Variants in GNAQ observed in about 807,000 individuals in gnomAD.
The protein encoded by GNAQ is G protein subunit alpha q.
Under a neutral mutation model 43.9 loss-of-function variants are expected in GNAQ, and 8 were observed. The observed-to-expected ratio is 0.18, with a 90% CI of 0.11 to 0.33. GNAQ has a LOEUF of 0.33. Ranked by LOEUF, GNAQ falls within the 10% of genes least tolerant of loss-of-function variation. The pLI, the probability that GNAQ is intolerant of heterozygous loss-of-function variation, is 1.00. For missense variants in GNAQ, 158 were observed against 450.8 expected (o/e 0.35, Z 5.88); for synonymous variants, 155 against 170.7 (o/e 0.91, Z 0.71).
chr9:77,992,505 G>A (rs1349273066), intron 1 of GNAQ, among the ~76,000 whole-genome samples: 1 of 151,450 alleles, frequency 6.6e-6, no homozygotes, highest in African/African-American at 2.4e-5. Flanking sequence ...GAAGGACAGA[G>A]ATCTCTCTAA....
intron 1 of GNAQ, among the ~76,000 whole-genome samples, chr9:77,948,150 T>A (rs1822927908): frequency 1.3e-5 from 2 of 152,224 alleles, no homozygotes; most frequent in Non-Finnish European, 2.9e-5. Flanking sequence ...CATAAATGTT[T>A]TTGAATAAAA....
intron 3 of GNAQ, among the ~76,000 whole-genome samples, chr9:77,814,792 C>T (rs1314405653): frequency 6.6e-6 from 1 of 152,074 alleles, no homozygotes; most frequent in East Asian, 1.9e-4. Context: ...TGCCCAGATC[C>T]AAAACAAGAG....
At chr9:77,949,075 G>A (rs895457805) in intron 1 of GNAQ, among the ~76,000 whole-genome samples, 3 of 152,144 alleles carry the variant, frequency 2.0e-5, no homozygotes, top group African/African-American at 7.2e-5. Context: ...ACCTTCTTAG[G>A]ATAACAGACA....
At chr9:77,989,016 T>G (rs1823476511) in intron 1 of GNAQ, among the ~76,000 whole-genome samples, 1 of 152,202 alleles carries the variant, frequency 6.6e-6, no homozygotes, top group Non-Finnish European at 1.5e-5. Context: ...AGAGATTACA[T>G]AAGAATTCCT....
chr9:78,020,619 T>C (rs1823897183), intron 1 of GNAQ, among the ~76,000 whole-genome samples: 1 of 152,200 alleles, frequency 6.6e-6, no homozygotes, highest in African/African-American at 2.4e-5. Flanking sequence ...AGCATTGGTC[T>C]GGCTCTTCCT....
At chr9:77,971,602 A>G (rs1406550662) in intron 1 of GNAQ, among the ~76,000 whole-genome samples, 3 of 152,250 alleles carry the variant, frequency 2.0e-5, no homozygotes, top group Non-Finnish European at 4.4e-5. Context: ...AAAACTCTCA[A>G]TAAACTAGGT....
At position 77,719,976 on chromosome 9, in the gene GNAQ, A is replaced by C. The variant is rs922593813; in HGVS notation, c.*1347T>G. ...AGGTGTCGGAATAATACTACCAACCAATGTTCCTGGCAGACTTCATTGAAC... is the reference window on the plus strand; with the variant it reads ...AGGTGTCGGAATAATACTACCAACCCATGTTCCTGGCAGACTTCATTGAAC... On this transcript the variant is annotated 3_prime_UTR_variant, in exon 7 of 7. Transcript: ENST00000286548. The C allele has an allele frequency of 4.3e-6, 1 of 232,522 alleles. No individual in the cohort carries two copies. Among genetic ancestry groups the C allele is most frequent in the African/African-American group, 2.2e-5 (1 of 45,314 alleles). 14.4% of individuals were successfully genotyped at this position (232,522 alleles called of 1,614,324 possible).
rs958038972 is a variant in GNAQ, at chr9:77,815,537, A to G, written c.476+79T>C. 9.9e-6 allele frequency: 9 copies of G among 905,284 alleles called. No homozygotes were observed. In the East Asian group the frequency reaches 2.2e-4, roughly 22 times the overall value. The allele number at this position is 905,284 out of a possible 1,614,324, so 56.1% of individuals were successfully genotyped here. ...ATATATGACATATACAGGACAGAAT[A>G]AAGAAGTTATGATAATCATAAAACC... On this transcript the variant is annotated intron_variant, in intron 3 of 6. Transcript: ENST00000286548.
intron 5 of GNAQ, among the ~76,000 whole-genome samples, chr9:77,756,628 C>T (rs1284655546): frequency 1.3e-5 from 2 of 152,232 alleles, no homozygotes; most frequent in African/African-American, 4.8e-5. Context: ...GGCAGAGTTG[C>T]TCTACTGAAC....
chr9:78,000,882 C>A (rs959533437), intron 1 of GNAQ, among the ~76,000 whole-genome samples: 2 of 152,214 alleles, frequency 1.3e-5, no homozygotes, highest in Non-Finnish European at 2.9e-5. Context: ...CAGTGAGATT[C>A]AAAATATTTA....
chr9:77,945,938 T>G (rs1387775763), intron 1 of GNAQ, among the ~76,000 whole-genome samples: 1 of 152,116 alleles, frequency 6.6e-6, no homozygotes, highest in Non-Finnish European at 1.5e-5. Context: ...CCACTACTTA[T>G]AAGGTTGCCA....
At chr9:77,914,243 A>G (rs1195383353) in intron 2 of GNAQ, among the ~76,000 whole-genome samples, 1 of 152,108 alleles carries the variant, frequency 6.6e-6, no homozygotes, top group Non-Finnish European at 1.5e-5. Context: ...GTTACCAGAG[A>G]CTCCATGGTG....
chr9:77,833,380 G>C (rs554005670), intron 2 of GNAQ, among the ~76,000 whole-genome samples: 71 of 152,344 alleles, frequency 4.7e-4, no homozygotes, highest in African/African-American at 1.5e-3. Flanking sequence ...AGCTAGTTCT[G>C]AATGCCTGTG....
chr9:77,814,525 T>C (rs1826981303), intron 3 of GNAQ, among the ~76,000 whole-genome samples: 1 of 152,114 alleles, frequency 6.6e-6, no homozygotes, highest in Non-Finnish European at 1.5e-5. Flanking sequence ...ATACAAGAAA[T>C]AGTTTGATCA....
intron 2 of GNAQ, among the ~76,000 whole-genome samples, chr9:77,815,986 A>C (rs1480236333): frequency 1.3e-5 from 2 of 152,104 alleles, no homozygotes; most frequent in Non-Finnish European, 2.9e-5. Flanking sequence ...TGCTACTTAG[A>C]ATTGATTAGA....
intron 2 of GNAQ, among the ~76,000 whole-genome samples, chr9:77,832,584 T>C (rs933557310): frequency 3.9e-5 from 6 of 152,198 alleles, no homozygotes; most frequent in African/African-American, 1.4e-4. Context: ...AAACATGACC[T>C]TGGTAGTACT....
At chr9:77,960,802 GA>G (rs1387138370) in intron 1 of GNAQ, among the ~76,000 whole-genome samples, 3 of 152,006 alleles carry the variant, frequency 2.0e-5, no homozygotes, top group African/African-American at 4.8e-5. Flanking sequence ...CACTACACTA[GA>G]ATAAACAGAA....
At chr9:77,951,971 T>C (rs1298164634) in intron 1 of GNAQ, among the ~76,000 whole-genome samples, 1 of 152,214 alleles carries the variant, frequency 6.6e-6, no homozygotes, top group East Asian at 1.9e-4. Flanking sequence ...TTACAGGGAA[T>C]GTCTGCTCCT....
chr9:77,846,998 G>A (rs981105036), intron 2 of GNAQ, among the ~76,000 whole-genome samples: 6 of 152,120 alleles, frequency 3.9e-5, no homozygotes, highest in African/African-American at 1.2e-4. Context: ...TGTCCTGAAA[G>A]GAACACTGGA....
Sources: gnomAD v4.1 joint callset for allele counts (sites outside exome capture counted in the v4.1 genomes callset) on GRCh38, gnomAD v4.1.1 for gene constraint, MANE v1.5 for transcripts, NCBI Gene and HGNC (gene_info 2026-07-23, HGNC 2026-07-21) for gene names.